ATRNL1: variants seen among roughly 807,000 people sequenced by gnomAD.
ATRNL1 encodes attractin like 1, also known as attractin-like protein 1.
Under a neutral mutation model 182.7 loss-of-function variants are expected in ATRNL1, and 95 were observed. That is an observed-to-expected ratio of 0.52 (90% CI 0.44 to 0.62). ATRNL1 has a LOEUF of 0.62. Among genes scored for constraint, ATRNL1 ranks in the 20% least tolerant of loss-of-function variants. ATRNL1 has a pLI of 0.00. For missense variants in ATRNL1, 1,471 were observed against 1,679.5 expected, an observed-to-expected ratio of 0.88 and a Z score of 2.17; for synonymous variants, 576 against 568.3, an observed-to-expected ratio of 1.01 and a Z score of -0.19.
intron 21 of ATRNL1, among the ~76,000 whole-genome samples, chr10:115,454,197 A>G (rs554523378): frequency 6.6e-6 from 1 of 152,204 alleles, no homozygotes; most frequent in African/African-American, 2.4e-5. Flanking sequence ...CTTGTTGAAG[A>G]TCAGTTAACT....
intron 28 of ATRNL1, among the ~76,000 whole-genome samples, chr10:115,858,365 A>G (rs1429793586): frequency 6.6e-6 from 1 of 152,212 alleles, no homozygotes; most frequent in Non-Finnish European, 1.5e-5. Flanking sequence ...AGCCATAAAA[A>G]GGAATGAGAT....
chr10:115,935,058 A>G lies in ATRNL1; in HGVS notation c.4019-9600A>G, dbSNP rs142079379. Among the ~76,000 whole-genome samples, 127 of 152,212 alleles carry G rather than the reference A, an allele frequency of 8.3e-4. 1 individual carries two copies. The highest frequency in any genetic ancestry group is 2.9e-3 in the African/African-American group (120 of 41,528). On this transcript the variant is annotated intron_variant, in intron 28 of 28. Transcript: ENST00000355044. Reference sequence around the variant, plus strand: ...TCTCTCTTGGGAATCTTCAACCTCCACATTCCCCTTAGAGATCACGCCTCT... The same window carrying G: ...TCTCTCTTGGGAATCTTCAACCTCCGCATTCCCCTTAGAGATCACGCCTCT...
intron 13 of ATRNL1, among the ~76,000 whole-genome samples, chr10:115,270,852 T>C (rs1851829562): frequency 6.6e-6 from 1 of 152,128 alleles, no homozygotes; most frequent in Non-Finnish European, 1.5e-5. Flanking sequence ...ACACATAAAA[T>C]TAACCATTAC....
intron 27 of ATRNL1, among the ~76,000 whole-genome samples, chr10:115,741,661 G>A (rs568111602): frequency 9.2e-5 from 14 of 152,252 alleles, no homozygotes; most frequent in South Asian, 2.1e-4. Flanking sequence ...AAGGGCAGGC[G>A]CTGAACTAGT....
At chr10:115,931,850 T>C (rs1439692722) in intron 28 of ATRNL1, among the ~76,000 whole-genome samples, 11 of 152,128 alleles carry the variant, frequency 7.2e-5, no homozygotes, top group African/African-American at 2.7e-4. Context: ...CGTCAAATGA[T>C]CTAGGAAACA....
At chr10:115,374,517 T>G (rs1857570319) in intron 19 of ATRNL1, among the ~76,000 whole-genome samples, 1 of 145,560 alleles carries the variant, frequency 6.9e-6, no homozygotes, top group Non-Finnish European at 1.5e-5. Flanking sequence ...CCTTCTTCCT[T>G]CTTTCTTTTT....
rs1050589940 is a variant in ATRNL1 at position 115,895,290 on chromosome 10, G to C, written c.4018+47299G>C. 3.3e-5 allele frequency among the ~76,000 whole-genome samples: 5 copies of C among 152,156 alleles called. No individual in the cohort carries two copies. The East Asian group carries it at 9.6e-4, about 29-fold the overall frequency. On this transcript the variant is annotated intron_variant, in intron 28 of 28. Transcript: ENST00000355044. Reference sequence around the variant, plus strand: ...GTATTGAAGGAACAACACTGCACTGGTCCACCGGGGATACAGCTGAATAAC... The same window carrying C: ...GTATTGAAGGAACAACACTGCACTGCTCCACCGGGGATACAGCTGAATAAC...
At chr10:115,728,106 T>G (rs1289379905) in intron 27 of ATRNL1, among the ~76,000 whole-genome samples, 1 of 111,406 alleles carries the variant, frequency 9.0e-6, no homozygotes. Flanking sequence ...AAACCCCGTC[T>G]CTACTAAAAA....
intron 24 of ATRNL1, among the ~76,000 whole-genome samples, chr10:115,479,716 G>GT (rs1848679783): frequency 6.6e-6 from 1 of 151,304 alleles, no homozygotes; most frequent in Admixed American, 6.6e-5. Flanking sequence ...TTGCATGTTT[G>GT]TAATATGAGA....
chr10:115,679,281 G>T (rs1945969911), intron 26 of ATRNL1, among the ~76,000 whole-genome samples: 1 of 151,836 alleles, frequency 6.6e-6, no homozygotes, highest in African/African-American at 2.4e-5. Context: ...TTTAAGTCTT[G>T]AACAGTACTA....
At chr10:115,347,203 G>C (rs778657155) in intron 19 of ATRNL1, among the ~76,000 whole-genome samples, 14 of 152,240 alleles carry the variant, frequency 9.2e-5, no homozygotes, top group Admixed American at 2.0e-4. Flanking sequence ...AAATTAAATA[G>C]AGTGAATAAT....
At chr10:115,477,159 T>G (rs1194409810) in intron 24 of ATRNL1, among the ~76,000 whole-genome samples, 1 of 151,612 alleles carries the variant, frequency 6.6e-6, no homozygotes, top group East Asian at 1.9e-4. Flanking sequence ...CATGGGTTTC[T>G]TATTTAATAA....
At chr10:115,286,895 T>G (rs2133939860) in intron 15 of ATRNL1, among the ~76,000 whole-genome samples, 1 of 152,130 alleles carries the variant, frequency 6.6e-6, no homozygotes, top group South Asian at 2.1e-4. Context: ...AGCTATTCAA[T>G]AACATTTACA....
intron 26 of ATRNL1, among the ~76,000 whole-genome samples, chr10:115,555,608 A>G (rs1377356740): frequency 6.6e-6 from 1 of 151,960 alleles, no homozygotes; most frequent in Admixed American, 6.6e-5. Context: ...TTTTAGACAA[A>G]TACAGCAATG....
intron 26 of ATRNL1, among the ~76,000 whole-genome samples, chr10:115,625,129 G>C (rs1858008875): frequency 6.6e-6 from 1 of 152,064 alleles, no homozygotes; most frequent in African/African-American, 2.4e-5. Flanking sequence ...TTTTATAACA[G>C]TGTCTTATTT....
intron 26 of ATRNL1, among the ~76,000 whole-genome samples, chr10:115,558,290 G>C (rs1451723554): frequency 6.6e-6 from 1 of 152,156 alleles, no homozygotes; most frequent in African/African-American, 2.4e-5. Context: ...CACAGAGTGG[G>C]AGGAGGCCTG....
intron 28 of ATRNL1, among the ~76,000 whole-genome samples, chr10:115,908,209 T>G (rs1477584362): frequency 6.6e-6 from 1 of 152,150 alleles, no homozygotes; most frequent in Admixed American, 6.5e-5. Context: ...TCTGAGCTTT[T>G]AGGAGGCCCT....
intron 18 of ATRNL1, among the ~76,000 whole-genome samples, chr10:115,324,859 C>T (rs148176667): frequency 3.3e-4 from 50 of 152,244 alleles, no homozygotes; most frequent in African/African-American, 9.1e-4. Flanking sequence ...GTCTATTCCA[C>T]GTATAGTAAA....
intron 26 of ATRNL1, among the ~76,000 whole-genome samples, chr10:115,658,611 C>T (rs1860485121): frequency 6.6e-6 from 1 of 152,044 alleles, no homozygotes; most frequent in Non-Finnish European, 1.5e-5. Flanking sequence ...ATAGTATCCT[C>T]CCTATCTGGT....
Sources: allele counts gnomAD v4.1 joint callset (sites outside exome capture counted in the v4.1 genomes callset), GRCh38; gene constraint gnomAD v4.1.1; transcripts MANE v1.5; gene names NCBI Gene and HGNC (gene_info 2026-07-23, HGNC 2026-07-21).